Variants in RFTN1 observed in about 807,000 individuals in gnomAD.
RFTN1 encodes the protein raftlin, lipid raft linker 1.
In RFTN1, 26 loss-of-function variants were observed where a neutral mutation model predicts 46.5. That is an observed-to-expected ratio of 0.56 (90% CI 0.41 to 0.78). The LOEUF (loss-of-function observed/expected upper bound fraction) is 0.78, where lower values mean the gene tolerates loss of function less well. Ranked by LOEUF, RFTN1 falls within the 30% of genes least tolerant of loss-of-function variation. The pLI is 0.00. For missense variants in RFTN1, 693 were observed against 718.7 expected (o/e 0.96, Z 0.41); for synonymous variants, 261 against 284.2 (o/e 0.92, Z 0.82).
chr3:16,438,130 T>C (rs1216837505), intron 2 of RFTN1, among the ~76,000 whole-genome samples: 2 of 152,224 alleles, frequency 1.3e-5, no homozygotes, highest in Non-Finnish European at 2.9e-5. Flanking sequence ...CTCAAACTCA[T>C]ATTGGTCTCT....
At chr3:16,501,061 C>G (rs1042876863) in intron 1 of RFTN1, among the ~76,000 whole-genome samples, 2 of 152,140 alleles carry the variant, frequency 1.3e-5, no homozygotes, top group African/African-American at 4.8e-5. Flanking sequence ...CTTTTGAACC[C>G]AGGATTGCGA....
Position 16,320,073 on chromosome 3 carries a change from T to C in RFTN1, c.1333-2841A>G, listed in dbSNP as rs1001098125. Among the ~76,000 whole-genome samples, 4 of 152,198 alleles carry C rather than the reference T, an allele frequency of 2.6e-5. No homozygotes were observed. The highest frequency in any genetic ancestry group is 9.7e-5 in the African/African-American group (4 of 41,448). ...CTGTCTAAAAGAAAAAAAGAAATCC[T>C]TCACTTTACAGCAGTGTGTGTCCAG... On this transcript the variant is annotated intron_variant, in intron 9 of 9. Transcript: ENST00000334133. This position sits in a 1 kb window ranked among gnomAD's most constrained non-coding sequence, Gnocchi z 4.5.
intron 2 of RFTN1, among the ~76,000 whole-genome samples, chr3:16,453,961 A>G (rs4684281): frequency 0.2 from 30,999 of 152,196 alleles, 3,757 homozygotes; most frequent in African/African-American, 0.31. Context: ...GACCTTCTCC[A>G]TATCCCAGGA....
At chr3:16,393,904 C>A (rs774417150) in intron 4 of RFTN1, among the ~76,000 whole-genome samples, 3 of 152,124 alleles carry the variant, frequency 2.0e-5, no homozygotes, top group Non-Finnish European at 2.9e-5. Context: ...CATGATCTGC[C>A]TGCCTCGGCC....
chr3:16,345,817 T>C lies in RFTN1; in HGVS notation c.1146+12115A>G, dbSNP rs7619635. Among the ~76,000 whole-genome samples the C allele has an allele frequency of 0.016, 1,189 of 74,568 alleles. 8 individuals are homozygous for C. Among genetic ancestry groups the C allele is most frequent in the Non-Finnish European group, 0.017 (615 of 35,444 alleles). 48.9% of individuals were successfully genotyped at this position (74,568 alleles called of 152,430 possible). On this transcript the variant is annotated intron_variant, in intron 7 of 9. Transcript: ENST00000334133. The surrounding 1 kb of genome is among the most constrained non-coding windows in gnomAD (Gnocchi z 5.2). ...GTGTGTGTGTGTGTGTGTGTGTGTG[T>C]GCGCGCGCGCGTGCGCGCACGCGCA... is the stretch of plus-strand genomic sequence containing the variant.
chr3:16,332,838 T>TCTACCTAC (rs10662085), intron 7 of RFTN1, among the ~76,000 whole-genome samples: 9 of 151,300 alleles, frequency 5.9e-5, no homozygotes, highest in South Asian at 4.2e-4. Context: ...CATCGATTTA[T>TCTACCTAC]CTACCTACCT....
At chr3:16,339,578 C>T (rs1440130324) in intron 7 of RFTN1, 1 of 152,194 alleles carries the variant, frequency 6.6e-6, no homozygotes, top group African/African-American at 2.4e-5. Flanking sequence ...CTGAGACCTA[C>T]CACGGGACAA....
chr3:16,403,607 T>TATATATAATATATATTTTATGTATATA (rs1455639779), intron 4 of RFTN1, among the ~76,000 whole-genome samples: 35 of 51,550 alleles, frequency 6.8e-4, no homozygotes, highest in Non-Finnish European at 1.1e-3. Context: ...ATATATAATA[T>TATATATAATATATATTTTATGTATATA]ATATATAATA....
intron 3 of RFTN1, among the ~76,000 whole-genome samples, chr3:16,412,378 G>C (rs2074995538): frequency 6.6e-6 from 1 of 152,234 alleles, no homozygotes; most frequent in Non-Finnish European, 1.5e-5. Context: ...CTCTGTGATG[G>C]TGCAGCTATG....
chr3:16,323,302 C>A, intron 9 of RFTN1, 74 bp downstream of exon 9: 2 of 1,164,552 alleles, frequency 1.7e-6, no homozygotes, highest in South Asian at 1.3e-5. Context: ...GCTGCCCCCT[C>A]AAATGCTGCA....
chr3:16,360,933 A>G (rs1357103010), intron 6 of RFTN1, among the ~76,000 whole-genome samples: 1 of 152,212 alleles, frequency 6.6e-6, no homozygotes, highest in Non-Finnish European at 1.5e-5. Flanking sequence ...GGTTTAGACA[A>G]ACTTTAAGGA....
intron 3 of RFTN1, among the ~76,000 whole-genome samples, chr3:16,419,329 A>G (rs928017973): frequency 6.6e-6 from 1 of 152,182 alleles, no homozygotes; most frequent in Non-Finnish European, 1.5e-5. Context: ...TGAAGTAAAG[A>G]AGAGTCATGG....
chr3:16,511,661 A>G (rs2076904611), intron 1 of RFTN1, among the ~76,000 whole-genome samples: 1 of 152,048 alleles, frequency 6.6e-6, no homozygotes, highest in Non-Finnish European at 1.5e-5. Flanking sequence ...CTGAAAAGAG[A>G]AGACTGGAAG....
rs1266436998 is a variant in RFTN1, at chr3:16,356,261, C to T, written c.1146+1671G>A. 2.0e-5 allele frequency among the ~76,000 whole-genome samples: 3 copies of T among 152,118 alleles called. No homozygotes were observed. Among genetic ancestry groups the T allele is most frequent in the Non-Finnish European group, 2.9e-5 (2 of 68,014 alleles). On this transcript the variant is annotated intron_variant, in intron 7 of 9. Coordinates refer to ENST00000334133, the MANE Select transcript of RFTN1 (RefSeq NM_015150.2). The surrounding 1 kb of genome is among the most constrained non-coding windows in gnomAD (Gnocchi z 4.9). The stretch of plus-strand genomic sequence containing the variant: ...CCCATTTCTAGTTAGGAGCATGGAC[C>T]CTGGAGAGACCATGGGCAGCAGGGT...
chr3:16,436,213 T>C (rs973094536), intron 2 of RFTN1, among the ~76,000 whole-genome samples: 1 of 152,078 alleles, frequency 6.6e-6, no homozygotes, highest in African/African-American at 2.4e-5. Context: ...CTTTGCCTCG[T>C]GTCCTATTTA....
chr3:16,399,373 C>A (rs2074549730), intron 4 of RFTN1, among the ~76,000 whole-genome samples: 1 of 152,194 alleles, frequency 6.6e-6, no homozygotes, highest in Admixed American at 6.5e-5. Context: ...ACCCCAAAAA[C>A]ATTTTGGATC....
chr3:16,417,218 C>CGTTG (rs1559336547), intron 3 of RFTN1, among the ~76,000 whole-genome samples: 1 of 151,378 alleles, frequency 6.6e-6, no homozygotes, highest in African/African-American at 2.4e-5. Flanking sequence ...GTTCTCCCTA[C>CGTTG]GTTGCCCAGG....
intron 2 of RFTN1, among the ~76,000 whole-genome samples, chr3:16,488,645 C>T (rs2076491606): frequency 6.6e-6 from 1 of 152,134 alleles, no homozygotes. Context: ...GGTGTTAATG[C>T]CTATTTGTGT....
rs2072257864 is a variant in RFTN1, at chr3:16,353,947, A to C, written c.1146+3985T>G. ...GTCTGGTATTTTGTTATGGCAGCCC[A>C]AGCAGACTAAGACATCCATTGAATA... On this transcript the variant is annotated intron_variant, in intron 7 of 9. Transcript: ENST00000334133. This position sits in a 1 kb window ranked among gnomAD's most constrained non-coding sequence, Gnocchi z 5.4. Among the ~76,000 whole-genome samples the C allele has an allele frequency of 6.6e-6, 1 of 152,212 alleles. No individual in the cohort carries two copies. Among genetic ancestry groups the C allele is most frequent in the Non-Finnish European group, 1.5e-5 (1 of 68,042 alleles).
Sources: allele counts gnomAD v4.1 joint callset (sites outside exome capture counted in the v4.1 genomes callset), GRCh38; gene constraint gnomAD v4.1.1; non-coding constraint Gnocchi (gnomAD v3.1); transcripts MANE v1.5; gene names NCBI Gene and HGNC (gene_info 2026-07-23, HGNC 2026-07-21).